The following CADM2 variants were observed in gnomAD, a reference collection of about 807,000 sequenced individuals.
CADM2 encodes cell adhesion molecule 2.
In CADM2, 12 loss-of-function variants were observed where a neutral mutation model predicts 49.8. The observed-to-expected ratio is 0.24, with a 90% CI of 0.15 to 0.39. The LOEUF (loss-of-function observed/expected upper bound fraction) is 0.39. Ranked by LOEUF, CADM2 falls within the 10% of genes least tolerant of loss-of-function variation. The pLI is 1.00. For missense variants in CADM2, 378 were observed against 492.3 expected (o/e 0.77, Z 2.20); for synonymous variants, 214 against 175.4 (o/e 1.22, Z -1.74).
At chr3:85,876,759 C>T (rs1711906091) in intron 3 of CADM2, among the ~76,000 whole-genome samples, 1 of 152,064 alleles carries the variant, frequency 6.6e-6, no homozygotes, top group Non-Finnish European at 1.5e-5. Flanking sequence ...CTAGCAGGTT[C>T]TTGAATAAAT....
chr3:85,306,619 C>A (rs886528387), intron 1 of CADM2, among the ~76,000 whole-genome samples: 1 of 151,650 alleles, frequency 6.6e-6, no homozygotes, highest in Non-Finnish European at 1.5e-5. Context: ...TATTTGTATG[C>A]AGCACTGTGG....
At chr3:85,335,038 T>G (rs1290649741) in intron 1 of CADM2, among the ~76,000 whole-genome samples, 1 of 151,298 alleles carries the variant, frequency 6.6e-6, no homozygotes, top group African/African-American at 2.4e-5. Context: ...TATTTCTAGG[T>G]TGTGAAGATA....
chr3:85,131,258 A>C (rs190991393), intron 1 of CADM2, among the ~76,000 whole-genome samples: 17 of 152,370 alleles, frequency 1.1e-4, no homozygotes, highest in African/African-American at 3.1e-4. Context: ...GAGAAGTACA[A>C]AATACTTTTT....
At chr3:85,719,966 T>C (rs1260172902) in intron 1 of CADM2, among the ~76,000 whole-genome samples, 1 of 152,040 alleles carries the variant, frequency 6.6e-6, no homozygotes, top group Non-Finnish European at 1.5e-5. Flanking sequence ...TTAAAAAATA[T>C]AGTCACAGTA....
At chr3:85,285,039 T>C (rs1337503691) in intron 1 of CADM2, among the ~76,000 whole-genome samples, 1 of 152,120 alleles carries the variant, frequency 6.6e-6, no homozygotes, top group African/African-American at 2.4e-5. Flanking sequence ...ATTCTGGATG[T>C]ATTTTGAAGG....
chr3:85,333,372 T>A (rs1156463067), intron 1 of CADM2, among the ~76,000 whole-genome samples: 2 of 151,798 alleles, frequency 1.3e-5, no homozygotes. Context: ...AAATGTTAGA[T>A]AAGTAAAGTT....
intron 3 of CADM2, among the ~76,000 whole-genome samples, chr3:85,874,067 C>G (rs369193064): frequency 6.6e-6 from 1 of 151,914 alleles, no homozygotes; most frequent in Non-Finnish European, 1.5e-5. Flanking sequence ...CTTATGCCTA[C>G]GTTTTAAAAA....
chr3:85,636,923 G>C (rs955591877), intron 1 of CADM2, among the ~76,000 whole-genome samples: 2 of 152,084 alleles, frequency 1.3e-5, no homozygotes, highest in African/African-American at 4.8e-5. Context: ...ACAACAAAAT[G>C]CTTGTCTCAG....
chr3:85,996,408 C>T (rs1173212810), intron 8 of CADM2, among the ~76,000 whole-genome samples: 1 of 149,884 alleles, frequency 6.7e-6, no homozygotes, highest in Non-Finnish European at 1.5e-5. Context: ...AGTGATTCTC[C>T]TGCCTTAGCA....
At chr3:85,161,337 A>C (rs1359132823) in intron 1 of CADM2, among the ~76,000 whole-genome samples, 2 of 152,126 alleles carry the variant, frequency 1.3e-5, no homozygotes, top group Non-Finnish European at 2.9e-5. Context: ...CTTTTGTAGA[A>C]TCTATGAGGA....
intron 1 of CADM2, among the ~76,000 whole-genome samples, chr3:85,137,203 A>T (rs1052013570): frequency 4.6e-5 from 7 of 151,988 alleles, no homozygotes; most frequent in Non-Finnish European, 8.8e-5. Context: ...CAAAGAAATG[A>T]ACAATTGATA....
chr3:85,121,521 T>A (rs975339298), intron 1 of CADM2, among the ~76,000 whole-genome samples: 1 of 152,102 alleles, frequency 6.6e-6, no homozygotes, highest in Non-Finnish European at 1.5e-5. Flanking sequence ...TGAGAACAGG[T>A]ACTCACGCTT....
At chr3:85,225,165 G>A (rs1371262760) in intron 1 of CADM2, among the ~76,000 whole-genome samples, 6 of 152,168 alleles carry the variant, frequency 3.9e-5, no homozygotes, top group Admixed American at 2.6e-4. Context: ...GATGGGGATA[G>A]CGTTGAATCC....
At chr3:85,172,018 A>C (rs2040641863) in intron 1 of CADM2, among the ~76,000 whole-genome samples, 1 of 152,234 alleles carries the variant, frequency 6.6e-6, no homozygotes, top group Non-Finnish European at 1.5e-5. Context: ...TTCTTGTGCA[A>C]TTTATAGAAA....
At chr3:85,835,822 A>C (rs2074386912) in intron 3 of CADM2, among the ~76,000 whole-genome samples, 1 of 149,812 alleles carries the variant, frequency 6.7e-6, no homozygotes, top group East Asian at 2.0e-4. Flanking sequence ...ATTTTATTAT[A>C]TTATATTCCA....
At chr3:85,244,978 A>T (rs2042614038) in intron 1 of CADM2, among the ~76,000 whole-genome samples, 1 of 152,324 alleles carries the variant, frequency 6.6e-6, no homozygotes, top group East Asian at 1.9e-4. Flanking sequence ...AAAGACTAAA[A>T]TGACACCTGC....
intron 1 of CADM2, among the ~76,000 whole-genome samples, chr3:85,485,063 A>G (rs1348409221): frequency 6.6e-6 from 1 of 151,962 alleles, no homozygotes; most frequent in East Asian, 1.9e-4. Context: ...ACATAATGAC[A>G]ATAAAAGGTG....
intron 1 of CADM2, among the ~76,000 whole-genome samples, chr3:85,157,994 GA>G (rs1312209080): frequency 6.6e-6 from 1 of 151,830 alleles, no homozygotes; most frequent in African/African-American, 2.4e-5. Flanking sequence ...AAATTTACAA[GA>G]AAAAAACAAA....
chr3:85,229,076 G>A (rs995785824), intron 1 of CADM2, among the ~76,000 whole-genome samples: 1 of 152,184 alleles, frequency 6.6e-6, no homozygotes, highest in African/African-American at 2.4e-5. Flanking sequence ...GCTCTGCCCA[G>A]TTTGAACTTC....
Sources: allele counts gnomAD v4.1 joint callset (sites outside exome capture counted in the v4.1 genomes callset), GRCh38; gene constraint gnomAD v4.1.1; transcripts MANE v1.5; gene names NCBI Gene and HGNC (gene_info 2026-07-23, HGNC 2026-07-21).